Variants in MAPRE3 observed in about 807,000 individuals in gnomAD.
The protein encoded by MAPRE3 is microtubule-associated protein RP/EB family member 3.
A neutral mutation model predicts 30.5 loss-of-function variants in MAPRE3; 2 were observed. The observed-to-expected ratio is 0.07, with a 90% CI of 0.03 to 0.21. The LOEUF (loss-of-function observed/expected upper bound fraction) is 0.21. Ranked by LOEUF, MAPRE3 falls within the 10% of genes least tolerant of loss-of-function variation. MAPRE3 has a pLI of 1.00. For missense variants in MAPRE3, 204 were observed against 351.8 expected (o/e 0.58, Z 3.36); for synonymous variants, 110 against 127.7 (o/e 0.86, Z 0.93).
In MAPRE3 at chr2:26,985,789, T is replaced by G. The variant is rs571913756; in HGVS notation, c.-8+14987T>G. Among the ~76,000 whole-genome samples, 135 of 152,248 alleles carry G rather than the reference T, an allele frequency of 8.9e-4. No individual in the cohort carries two copies. The highest frequency in any genetic ancestry group is 3.0e-3 in the African/African-American group (124 of 41,552). ...TGGGTGGGCCCTAAATGCAATCATATGTATCTTTATAAGCAGGAGGACAGA... is the reference window on the plus strand; with the variant it reads ...TGGGTGGGCCCTAAATGCAATCATAGGTATCTTTATAAGCAGGAGGACAGA... On this transcript the variant is annotated intron_variant, in intron 1 of 6. Transcript: ENST00000233121. The surrounding 1 kb of genome is among the most constrained non-coding windows in gnomAD (Gnocchi z 4.2).
At chr2:27,009,844 C>G (rs1248307478) in intron 1 of MAPRE3, 1 of 152,260 alleles carries the variant, frequency 6.6e-6, no homozygotes, top group African/African-American at 2.4e-5. Flanking sequence ...TTCCCTGATG[C>G]AGGAAGCAGA....
intron 1 of MAPRE3, among the ~76,000 whole-genome samples, chr2:27,004,925 T>G (rs1666691319): frequency 6.6e-6 from 1 of 151,620 alleles, no homozygotes; most frequent in Non-Finnish European, 1.5e-5. Flanking sequence ...CACAGAAGAG[T>G]AAATATATAT....
intron 3 of MAPRE3, 92 bp downstream of exon 3, chr2:27,023,569 T>A (rs1437826175): frequency 1.3e-6 from 2 of 1,512,016 alleles, no homozygotes; most frequent in Non-Finnish European, 1.8e-6. Context: ...GCTGCTGGGG[T>A]CATTCCGGTG....
chr2:27,003,622 G>T (rs1026428743), intron 1 of MAPRE3, among the ~76,000 whole-genome samples: 12 of 152,186 alleles, frequency 7.9e-5, no homozygotes, highest in African/African-American at 2.7e-4. Flanking sequence ...TCCAGCTAAT[G>T]CTGGGAAGGT....
chr2:27,023,211 AGGACTGGTCCCT>A (rs1667148654), intron 2 of MAPRE3, 109 bp from the exon 3 acceptor site: 22 of 1,053,968 alleles, frequency 2.1e-5, no homozygotes, highest in Non-Finnish European at 2.6e-5. Flanking sequence ...TCCTGAAAGT[AGGACTGGTCCCT>A]GGCCCAGAAC....
At chr2:27,007,062 C>A (rs1666745712) in intron 1 of MAPRE3, among the ~76,000 whole-genome samples, 1 of 152,152 alleles carries the variant, frequency 6.6e-6, no homozygotes, top group African/African-American at 2.4e-5. Flanking sequence ...TAGAGCTCAT[C>A]CTCTATTTGC....
At position 26,985,217 on chromosome 2, in the gene MAPRE3, G is replaced by A. The variant is rs1666194360; in HGVS notation, c.-8+14415G>A. On this transcript the variant is annotated intron_variant, in intron 1 of 6. Transcript: ENST00000233121. This position sits in a 1 kb window ranked among gnomAD's most constrained non-coding sequence, Gnocchi z 4.2. ...GAGAGAGATTGTTAAGACATGTGCT[G>A]TTGAAACTCTTCTTCCCTTTTGGGG... is the stretch of plus-strand genomic sequence containing the variant. Among the ~76,000 whole-genome samples the A allele has an allele frequency of 1.3e-5, 2 of 152,194 alleles. No homozygotes were observed. The highest frequency in any genetic ancestry group is 6.5e-5 in the Admixed American group (1 of 15,282).
chr2:27,014,495 C>T (rs1558384126), intron 1 of MAPRE3: 1 of 152,312 alleles, frequency 6.6e-6, no homozygotes, highest in Non-Finnish European at 1.5e-5. Flanking sequence ...GAGTTTCAGT[C>T]CCTACCTGAA....
At chr2:27,005,391 T>C (rs946155397) in intron 1 of MAPRE3, among the ~76,000 whole-genome samples, 1 of 152,208 alleles carries the variant, frequency 6.6e-6, no homozygotes, top group African/African-American at 2.4e-5. Context: ...AAACCTGCTC[T>C]TCCTGCAGTT....
At chr2:26,974,567 A>G (rs568771028) in intron 1 of MAPRE3, among the ~76,000 whole-genome samples, 1 of 152,294 alleles carries the variant, frequency 6.6e-6, no homozygotes, top group East Asian at 1.9e-4. Flanking sequence ...TCCACCTCTC[A>G]GAATGGAACC....
At chr2:27,023,944 T>C in intron 3 of MAPRE3, 152 bp from the exon 4 acceptor site, 1 of 621,364 alleles carries the variant, frequency 1.6e-6, no homozygotes, top group Non-Finnish European at 2.9e-6. Flanking sequence ...CCTACCTGTC[T>C]GCTCTGGTGC....
chr2:27,008,672 AG>A (rs1666779953), intron 1 of MAPRE3, among the ~76,000 whole-genome samples: 1 of 152,148 alleles, frequency 6.6e-6, no homozygotes, highest in African/African-American at 2.4e-5. Flanking sequence ...AACAGTTCCT[AG>A]AGGACAGAAA....
rs532293585 is a variant in MAPRE3, at chr2:26,986,030, T to C, written c.-8+15228T>C. On this transcript the variant is annotated intron_variant, in intron 1 of 6. Transcript: ENST00000233121. The surrounding 1 kb of genome is among the most constrained non-coding windows in gnomAD (Gnocchi z 4.2). ...CAGCCACCCAGTTTGTGGTCATTTG[T>C]CACAGTAGGCACAGGAAACTAATCC... is the stretch of plus-strand genomic sequence containing the variant. 6.6e-6 allele frequency among the ~76,000 whole-genome samples: 1 copy of C among 152,308 alleles called. No homozygotes were observed. Among genetic ancestry groups the C allele is most frequent in the South Asian group, 2.1e-4 (1 of 4,822 alleles).
intron 1 of MAPRE3, among the ~76,000 whole-genome samples, chr2:27,016,890 G>A (rs540178722): frequency 4.1e-4 from 63 of 152,202 alleles, no homozygotes; most frequent in African/African-American, 1.4e-3. Flanking sequence ...GCTTAGTTCA[G>A]TCCAGGATCT....
intron 1 of MAPRE3, among the ~76,000 whole-genome samples, chr2:27,000,873 A>G (rs1666580925): frequency 6.6e-6 from 1 of 152,266 alleles, no homozygotes; most frequent in Non-Finnish European, 1.5e-5. Context: ...AACTATTGTC[A>G]AGGACTCATT....
intron 1 of MAPRE3, among the ~76,000 whole-genome samples, chr2:26,980,171 C>T (rs1666085266): frequency 1.3e-5 from 2 of 152,046 alleles, no homozygotes; most frequent in Non-Finnish European, 2.9e-5. Flanking sequence ...AGTTTCAGTG[C>T]TGCTGATTTA....
rs1002396332 is a variant in MAPRE3, at chr2:27,026,050, C to T, written c.777+18C>T. On this transcript the variant is annotated intron_variant, in intron 6 of 6. Coordinates refer to ENST00000233121, the MANE Select transcript of MAPRE3 (RefSeq NM_012326.4). Reference sequence around the variant, plus strand: ...CCACAGAGGTGAGCACTCCCAGGCCCATTGGGCCCTCCCCAGTCTGGCCTG... The same window carrying T: ...CCACAGAGGTGAGCACTCCCAGGCCTATTGGGCCCTCCCCAGTCTGGCCTG... 3.7e-6 allele frequency: 6 copies of T among 1,613,746 alleles called. No homozygotes were observed. The Admixed American group carries it at 5.0e-5, about 13-fold the overall frequency.
intron 1 of MAPRE3, among the ~76,000 whole-genome samples, chr2:26,997,712 A>G (rs1328915244): frequency 6.6e-6 from 1 of 152,202 alleles, no homozygotes; most frequent in Non-Finnish European, 1.5e-5. Context: ...CCTGGTAGAA[A>G]GGATAGTTTG....
intron 1 of MAPRE3, among the ~76,000 whole-genome samples, chr2:26,990,806 G>A (rs1164448534): frequency 6.6e-6 from 1 of 152,206 alleles, no homozygotes; most frequent in Non-Finnish European, 1.5e-5. Context: ...ATCAACTGCT[G>A]TTATAGCTCT....
Sources: gnomAD v4.1 joint callset for allele counts (sites outside exome capture counted in the v4.1 genomes callset) on GRCh38, gnomAD v4.1.1 for gene constraint, Gnocchi (gnomAD v3.1) non-coding constraint, MANE v1.5 for transcripts, NCBI Gene and HGNC (gene_info 2026-07-23, HGNC 2026-07-21) for gene names.